Variants in XKR9 observed in about 807,000 individuals in gnomAD.
The protein encoded by XKR9 is XK-related protein 9.
In XKR9, 32 loss-of-function variants were observed where a neutral mutation model predicts 32.0. That is an observed-to-expected ratio of 1.00 (90% CI 0.76 to 1.34). The LOEUF is 1.34. Ranked by LOEUF, XKR9 falls within the 40% of genes most tolerant of loss-of-function variation. The pLI is 0.00. For synonymous variants in XKR9, 168 were observed against 143.4 expected (o/e 1.17, Z -1.22); for missense variants, 546 against 429.7 (o/e 1.27, Z -2.39).
the XKR9 span, among the ~76,000 whole-genome samples, chr8:70,923,487 G>A: frequency 3.3e-4 from 50 of 152,238 alleles, no homozygotes; most frequent in Non-Finnish European, 5.0e-4. Flanking sequence ...TCACTGTGAA[G>A]TTGATGAAGC....
chr8:70,717,414 G>C (rs888844003), intron 4 of XKR9, among the ~76,000 whole-genome samples: 1 of 152,160 alleles, frequency 6.6e-6, no homozygotes, highest in Non-Finnish European at 1.5e-5. Context: ...TAAAATCTAG[G>C]TGGAGGTTCC....
the XKR9 span, among the ~76,000 whole-genome samples, chr8:70,977,059 G>T: frequency 4.6e-5 from 7 of 152,146 alleles, no homozygotes; most frequent in East Asian, 1.9e-4. Flanking sequence ...GCGATTGGTT[G>T]TGAGAACCCC....
intron 2 of XKR9, among the ~76,000 whole-genome samples, chr8:70,768,757 T>G (rs1586890731): frequency 6.6e-6 from 1 of 152,056 alleles, no homozygotes; most frequent in Non-Finnish European, 1.5e-5. Flanking sequence ...CCCTGCTTTT[T>G]TTTTTTTTTG....
At chr8:70,782,199 T>C (rs1807626454) in intron 2 of XKR9, among the ~76,000 whole-genome samples, 1 of 152,210 alleles carries the variant, frequency 6.6e-6, no homozygotes, top group African/African-American at 2.4e-5. Context: ...TTAAATTAGT[T>C]GCTTTGCTAT....
the XKR9 span, among the ~76,000 whole-genome samples, chr8:70,875,059 G>T: frequency 1.3e-5 from 2 of 152,062 alleles, no homozygotes; most frequent in Admixed American, 1.3e-4. Flanking sequence ...AGAAAGCGAG[G>T]GACTGAAAAT....
intron 2 of XKR9, among the ~76,000 whole-genome samples, chr8:70,788,399 A>G (rs566194021): frequency 6.6e-6 from 1 of 152,216 alleles, no homozygotes; most frequent in Non-Finnish European, 1.5e-5. Context: ...CAAGTATGTC[A>G]TACAAGTATG....
chr8:70,842,877 G>A, the XKR9 span, among the ~76,000 whole-genome samples: 2 of 152,084 alleles, frequency 1.3e-5, no homozygotes, highest in African/African-American at 4.8e-5. Context: ...TTATCCTCCT[G>A]CAGGCAACCA....
At chr8:71,042,699 T>G in the XKR9 span, among the ~76,000 whole-genome samples, 229 of 152,324 alleles carry the variant, frequency 1.5e-3, 3 homozygotes, top group South Asian at 9.5e-3. Flanking sequence ...ATGTTTTAAA[T>G]GTTTATGTTT....
At chr8:71,018,674 A>G in the XKR9 span, among the ~76,000 whole-genome samples, 1 of 152,252 alleles carries the variant, frequency 6.6e-6, no homozygotes, top group South Asian at 2.1e-4. Context: ...GCAGAGCTGT[A>G]AAGTTGTAAA....
chr8:70,743,837 T>A (rs1295064810), intron 2 of XKR9, among the ~76,000 whole-genome samples: 10 of 152,024 alleles, frequency 6.6e-5, no homozygotes, highest in Admixed American at 6.6e-4. Context: ...CTGAGTGGGG[T>A]CTGCTCTCAC....
In XKR9 at chr8:70,684,375, C is replaced by G. The variant is rs1024869471; in HGVS notation, c.272+3045C>G. ...ATTTTTGAACTCTTTGTGATACATTCTGTGGAATGTTATAATCCAGATTCC... is the reference window on the plus strand; with the variant it reads ...ATTTTTGAACTCTTTGTGATACATTGTGTGGAATGTTATAATCCAGATTCC... On this transcript the variant is annotated intron_variant, in intron 3 of 4. Transcript: ENST00000408926. 7.9e-5 allele frequency among the ~76,000 whole-genome samples: 12 copies of G among 152,140 alleles called. No individual in the cohort carries two copies. The East Asian group carries it at 1.2e-3, about 15-fold the overall frequency.
At chr8:70,954,502 G>T in the XKR9 span, among the ~76,000 whole-genome samples, 1 of 152,198 alleles carries the variant, frequency 6.6e-6, no homozygotes, top group Non-Finnish European at 1.5e-5. Flanking sequence ...TTTCAAGGTG[G>T]ATTTGCACAG....
At chr8:71,047,883 A>C in the XKR9 span, among the ~76,000 whole-genome samples, 2 of 152,176 alleles carry the variant, frequency 1.3e-5, no homozygotes, top group South Asian at 2.1e-4. Flanking sequence ...TGGCCAAACT[A>C]CCTCTGCAGT....
the XKR9 span, among the ~76,000 whole-genome samples, chr8:70,996,745 G>C: frequency 6.6e-6 from 1 of 152,158 alleles, no homozygotes; most frequent in East Asian, 1.9e-4. Flanking sequence ...GGAGGTCACT[G>C]TCCGACCTTC....
the XKR9 span, among the ~76,000 whole-genome samples, chr8:71,052,924 C>G: frequency 6.6e-6 from 1 of 152,226 alleles, no homozygotes; most frequent in Non-Finnish European, 1.5e-5. Flanking sequence ...AACCCTGTCT[C>G]AGCTTCACAC....
intron 3 of XKR9, among the ~76,000 whole-genome samples, chr8:70,687,370 T>TC (rs1413267980): frequency 8.1e-6 from 1 of 122,770 alleles, no homozygotes; most frequent in African/African-American, 3.1e-5. Flanking sequence ...CTCTTTCCTT[T>TC]CTTTCTCTTT....
At chr8:71,028,645 TGAGGTAATA>T in the XKR9 span, among the ~76,000 whole-genome samples, 6 of 152,138 alleles carry the variant, frequency 3.9e-5, no homozygotes, top group Admixed American at 3.9e-4. Flanking sequence ...ATAAAAAATG[TGAGGTAATA>T]GATGTTAATT....
the XKR9 span, among the ~76,000 whole-genome samples, chr8:71,022,510 G>A: frequency 6.6e-6 from 1 of 152,150 alleles, no homozygotes. Flanking sequence ...GGGGTTCCCT[G>A]AAGAGTGGCT....
At chr8:70,909,996 C>G in the XKR9 span, among the ~76,000 whole-genome samples, 1 of 152,006 alleles carries the variant, frequency 6.6e-6, no homozygotes, top group Non-Finnish European at 1.5e-5. Flanking sequence ...GCATGAGGCA[C>G]CATGACCGGC....
Sources: allele counts gnomAD v4.1 joint callset (sites outside exome capture counted in the v4.1 genomes callset), GRCh38; gene constraint gnomAD v4.1.1; transcripts MANE v1.5; gene names NCBI Gene and HGNC (gene_info 2026-07-23, HGNC 2026-07-21).